Variants in GABRG3 observed in about 807,000 individuals in gnomAD.
GABRG3 encodes the protein gamma-aminobutyric acid receptor subunit gamma-3.
GABRG3 carries 25 observed loss-of-function variants against 48.8 expected under a neutral mutation model. The ratio of observed to expected loss-of-function variants is 0.51; its 90% CI spans 0.37 to 0.72. The LOEUF is 0.72. Ranked by LOEUF, GABRG3 falls within the 30% of genes least tolerant of loss-of-function variation. The pLI is 0.00. For missense variants in GABRG3, 394 were observed against 577.9 expected (o/e 0.68, Z 3.26); for synonymous variants, 227 against 217.6 (o/e 1.04, Z -0.38).
intron 3 of GABRG3, among the ~76,000 whole-genome samples, chr15:27,091,171 TA>T (rs1282860237): frequency 3.3e-5 from 5 of 152,206 alleles, no homozygotes; most frequent in Admixed American, 3.3e-4. Context: ...GCTTCTAGTT[TA>T]TTGAGTTAAT....
At chr15:27,195,989 A>G (rs912449929) in intron 3 of GABRG3, among the ~76,000 whole-genome samples, 1 of 152,104 alleles carries the variant, frequency 6.6e-6, no homozygotes, top group Non-Finnish European at 1.5e-5. Flanking sequence ...AAGATTTGGG[A>G]TATTATGAGA....
chr15:27,211,266 T>C (rs953539186), intron 3 of GABRG3, among the ~76,000 whole-genome samples: 1 of 152,210 alleles, frequency 6.6e-6, no homozygotes, highest in Non-Finnish European at 1.5e-5. Flanking sequence ...TGATTTATTA[T>C]TTAATAACCT....
intron 2 of GABRG3, among the ~76,000 whole-genome samples, chr15:27,002,570 A>G (rs1895469138): frequency 6.6e-6 from 1 of 151,996 alleles, no homozygotes; most frequent in Non-Finnish European, 1.5e-5. Context: ...TAAGAAATTT[A>G]TGCTGTAAAA....
chr15:27,159,938 C>T (rs1215085018), intron 3 of GABRG3, among the ~76,000 whole-genome samples: 2 of 152,186 alleles, frequency 1.3e-5, no homozygotes, highest in Non-Finnish European at 2.9e-5. Flanking sequence ...ACACAGCCCT[C>T]TCCATGGGTT....
intron 5 of GABRG3, among the ~76,000 whole-genome samples, chr15:27,471,509 G>A (rs1200457746): frequency 3.9e-5 from 6 of 152,066 alleles, no homozygotes; most frequent in Admixed American, 6.6e-5. Context: ...GTTTTGGCAA[G>A]GGCTAAAACT....
chr15:27,091,442 T>C (rs947886705), intron 3 of GABRG3, among the ~76,000 whole-genome samples: 8 of 152,234 alleles, frequency 5.3e-5, no homozygotes, highest in African/African-American at 1.9e-4. Flanking sequence ...TTTTCTTTTC[T>C]TGTGATGTCT....
At chr15:27,504,957 A>C (rs1890727971) in intron 6 of GABRG3, among the ~76,000 whole-genome samples, 1 of 152,182 alleles carries the variant, frequency 6.6e-6, no homozygotes, top group Non-Finnish European at 1.5e-5. Flanking sequence ...ACTTTGCCAT[A>C]GCGAGGTTAT....
intron 3 of GABRG3, among the ~76,000 whole-genome samples, chr15:27,145,393 C>T (rs1898180208): frequency 6.6e-6 from 1 of 151,686 alleles, no homozygotes; most frequent in Admixed American, 6.6e-5. Flanking sequence ...TTGAAACATA[C>T]CATATTTGAA....
intron 3 of GABRG3, among the ~76,000 whole-genome samples, chr15:27,168,823 T>C (rs1887467393): frequency 6.6e-6 from 1 of 151,746 alleles, no homozygotes; most frequent in Non-Finnish European, 1.5e-5. Flanking sequence ...AATAAATTTC[T>C]CTTGTTTGTA....
rs57522857 is a variant in GABRG3 at position 27,265,882 on chromosome 15, G to GTTTTTTTTTTTTTT, written c.271-60925_271-60912dup. Among the ~76,000 whole-genome samples the GTTTTTTTTTTTTTT allele has an allele frequency of 3.1e-3, 394 of 127,474 alleles. 37 individuals carry two copies. Among genetic ancestry groups the GTTTTTTTTTTTTTT allele is most frequent in the African/African-American group, 0.012 (366 of 29,352 alleles). 83.6% of individuals were successfully genotyped at this position (127,474 alleles called of 152,430 possible). A position where few individuals can be genotyped will look rare whatever the true frequency, so the allele number is the denominator to read the frequency against. The stretch of plus-strand genomic sequence containing the variant: ...GCAAGGTCAAGAAGATTTTCTCCTG[G>GTTTTTTTTTTTTTT]TTTTTTTTTTTTTTTGAGAGTGACC... On this transcript the variant is annotated intron_variant, in intron 3 of 9. Coordinates refer to ENST00000615808, the MANE Select transcript of GABRG3 (RefSeq NM_033223.5).
intron 3 of GABRG3, among the ~76,000 whole-genome samples, chr15:27,081,290 A>T (rs1411764911): frequency 6.6e-6 from 1 of 152,122 alleles, no homozygotes; most frequent in Non-Finnish European, 1.5e-5. Context: ...AGGATCTTTT[A>T]ATTCTCATGT....
intron 5 of GABRG3, among the ~76,000 whole-genome samples, chr15:27,395,418 A>T (rs1887270198): frequency 6.6e-6 from 1 of 152,218 alleles, no homozygotes; most frequent in Non-Finnish European, 1.5e-5. Context: ...AGGCAGAGAG[A>T]CTATAATATC....
intron 2 of GABRG3, among the ~76,000 whole-genome samples, chr15:26,990,769 T>C (rs1895232199): frequency 6.6e-6 from 1 of 151,992 alleles, no homozygotes. Flanking sequence ...TTCCATATTT[T>C]AAGGTCTCGG....
At chr15:27,345,674 CACT>C (rs574376628) in intron 5 of GABRG3, among the ~76,000 whole-genome samples, 1 of 152,186 alleles carries the variant, frequency 6.6e-6, no homozygotes, top group Admixed American at 6.5e-5. Context: ...TCTGGCACGC[CACT>C]TTTCTTCTGC....
At chr15:27,422,347 G>A (rs1238123965) in intron 5 of GABRG3, 1 of 152,410 alleles carries the variant, frequency 6.6e-6, no homozygotes, top group Non-Finnish European at 1.5e-5. Flanking sequence ...GATATCCATG[G>A]GAATGGGCTG....
intron 3 of GABRG3, among the ~76,000 whole-genome samples, chr15:27,084,777 C>T (rs1897048633): frequency 6.6e-6 from 1 of 152,230 alleles, no homozygotes; most frequent in Non-Finnish European, 1.5e-5. Context: ...CACTGACCTC[C>T]ATCACTGCAG....
chr15:27,063,260 C>T (rs149031662), intron 3 of GABRG3, among the ~76,000 whole-genome samples: 1 of 152,300 alleles, frequency 6.6e-6, no homozygotes, highest in African/African-American at 2.4e-5. Flanking sequence ...TTCGGGTGGA[C>T]GTTTTCAGGT....
At chr15:27,127,690 A>G (rs1441274540) in intron 3 of GABRG3, among the ~76,000 whole-genome samples, 2 of 152,144 alleles carry the variant, frequency 1.3e-5, no homozygotes, top group Non-Finnish European at 2.9e-5. Flanking sequence ...TGGTGACCGC[A>G]TTATTCCCTT....
intron 2 of GABRG3, among the ~76,000 whole-genome samples, chr15:26,982,165 A>G (rs546000928): frequency 6.6e-6 from 1 of 152,330 alleles, no homozygotes; most frequent in South Asian, 2.1e-4. Flanking sequence ...TCTAGTGTGA[A>G]GAGTGTGCAG....
Sources: gnomAD v4.1 joint callset for allele counts (sites outside exome capture counted in the v4.1 genomes callset) on GRCh38, gnomAD v4.1.1 for gene constraint, MANE v1.5 for transcripts, NCBI Gene and HGNC (gene_info 2026-07-23, HGNC 2026-07-21) for gene names.